POLE: variants seen among roughly 807,000 people sequenced by gnomAD.
POLE encodes the protein DNA polymerase epsilon catalytic subunit A.
Under a neutral mutation model 279.2 loss-of-function variants are expected in POLE, and 188 were observed. The observed-to-expected ratio is 0.67, with a 90% CI of 0.60 to 0.76. POLE has a LOEUF of 0.76. Among genes scored for constraint, POLE ranks in the 30% least tolerant of loss-of-function variants. The pLI is 0.00. For synonymous variants in POLE, 1,214 were observed against 1,172.5 expected, an observed-to-expected ratio of 1.04 and a Z score of -0.72; for missense variants, 2,703 against 3,016.7, an observed-to-expected ratio of 0.90 and a Z score of 2.44.
chr12:132,666,219 C>T (rs1483993814), intron 20 of POLE, among the ~76,000 whole-genome samples: 4 of 152,200 alleles, frequency 2.6e-5, no homozygotes, highest in Non-Finnish European at 5.9e-5. Context: ...GTGACAAATC[C>T]ACACAATGAA....
intron 32 of POLE, among the ~76,000 whole-genome samples, chr12:132,644,355 G>T (rs1231230205): frequency 1.4e-5 from 2 of 143,430 alleles, no homozygotes; most frequent in African/African-American, 2.6e-5. Flanking sequence ...TTGTAGAAAG[G>T]AGGTCTCACT....
At chr12:132,656,186 C>A (rs1203807341) in intron 29 of POLE, among the ~76,000 whole-genome samples, 2 of 151,978 alleles carry the variant, frequency 1.3e-5, no homozygotes, top group Non-Finnish European at 2.9e-5. Context: ...TGCTTAAACC[C>A]AGGAGGCAGA....
chr12:132,659,197 G>C, intron 26 of POLE, 98 bp downstream of exon 26: 1 of 1,279,116 alleles, frequency 7.8e-7, no homozygotes, highest in Non-Finnish European at 1.1e-6. Flanking sequence ...TCACCTCTCT[G>C]TGATGAGGGG....
rs1220762553 is a variant in POLE at position 132,625,656 on chromosome 12, G to A, written c.6646C>T (p.Leu2216=). The change falls in exon 47 of 49, where the codon CTG becomes TTG. Residue 2216 remains leucine (L), a synonymous_variant. Transcript: ENST00000320574. ...VLQKKLMAFT[L]QDLVCLKCRG... The stretch of plus-strand genomic sequence containing the variant: ...CATGCACGACTCACCAGGTCCTGCA[G>A]GGTGAAGGCCATCAGCTTCTTCTGT... 2.5e-6 allele frequency: 4 copies of A among 1,613,536 alleles called. No individual in the cohort carries two copies. In the African/African-American group the frequency reaches 5.3e-5, roughly 22 times the overall value.
In POLE at chr12:132,658,398, G is replaced by A. The variant is rs5744877; in HGVS notation, c.3276-428C>T. ...CGCATGCGTGCGTAAACATGTCTAC[G>A]TTTCTGAGTAACCACGCGCATGCGT... On this transcript the variant is annotated intron_variant, in intron 26 of 48. Coordinates refer to ENST00000320574, the MANE Select transcript of POLE (RefSeq NM_006231.4). 71 of 171,730 alleles carry A rather than the reference G, an allele frequency of 4.1e-4. No homozygotes were observed. In the South Asian group the frequency reaches 8.9e-3, roughly 21 times the overall value. 10.6% of individuals were successfully genotyped at this position (171,730 alleles called of 1,614,324 possible). A position where few individuals can be genotyped will look rare whatever the true frequency, so the allele number is the denominator to read the frequency against.
intron 21 of POLE, among the ~76,000 whole-genome samples, chr12:132,665,058 C>T (rs1163063295): frequency 2.0e-5 from 3 of 152,138 alleles, no homozygotes; most frequent in Non-Finnish European, 2.9e-5. Context: ...GTCTCCAGCC[C>T]ATGATGCAGA....
chr12:132,643,580 A>G lies in POLE; in HGVS notation c.4291-20T>C, dbSNP rs2042206303. 7.4e-6 allele frequency: 12 copies of G among 1,613,736 alleles called. No homozygotes were observed. Among genetic ancestry groups the G allele is most frequent in the Non-Finnish European group, 1.0e-5 (12 of 1,179,904 alleles). Reference sequence around the variant, plus strand: ...CGGAACCTGGAAGAATCGGGCAGACAGGCCGGCAAGGGCTGGATGGTGGGG... The same window carrying G: ...CGGAACCTGGAAGAATCGGGCAGACGGGCCGGCAAGGGCTGGATGGTGGGG... On this transcript the variant is annotated intron_variant, in intron 33 of 48. Coordinates refer to ENST00000320574, the MANE Select transcript of POLE (RefSeq NM_006231.4).
Position 132,675,434 on chromosome 12 carries a change from T to A in POLE, c.1190A>T (p.Tyr397Phe). ...CATGTGGATGCACTGGGGCGCCTTG[T>A]ACTCCCCCTGGCTGTCCTTCTGGAA... ...IGFQKDSQGE[Y>F]KAPQCIHMDC... The change falls in exon 12 of 49, where the codon TAC becomes TTC. Residue 397 changes from tyrosine to phenylalanine, a missense_variant. By Grantham distance (22) the Tyr-to-Phe change is conservative. Around this residue, in one of 5 missense-constraint regions of POLE, gnomAD observed 1,011 missense variants for 1,111.7 expected, o/e 0.91. Coordinates refer to ENST00000320574, the MANE Select transcript of POLE (RefSeq NM_006231.4). This position sits in a 1 kb window ranked among gnomAD's most constrained non-coding sequence, Gnocchi z 4.3. 6.2e-7 allele frequency: 1 copy of A among 1,614,168 alleles called. No individual in the cohort carries two copies. The highest frequency in any genetic ancestry group is 8.5e-7 in the Non-Finnish European group (1 of 1,180,012).
At chr12:132,678,061 CCA>C (rs2043096106) in intron 6 of POLE, among the ~76,000 whole-genome samples, 1 of 152,114 alleles carries the variant, frequency 6.6e-6, no homozygotes, top group Middle Eastern at 3.2e-3. Flanking sequence ...GTCTGTAACC[CCA>C]GATACCTGGG....
chr12:132,676,278 C>A, intron 9 of POLE, 74 bp from the exon 10 acceptor site: 1 of 969,906 alleles, frequency 1.0e-6, no homozygotes, highest in Non-Finnish European at 1.6e-6. Flanking sequence ...ACCCTGCCCA[C>A]ACACTCTGCC....
intron 13 of POLE, 91 bp downstream of exon 13, chr12:132,673,484 C>T (rs2135998149): frequency 1.9e-6 from 3 of 1,551,940 alleles, no homozygotes; most frequent in Non-Finnish European, 2.6e-6. Context: ...GCAGGGGGAG[C>T]CGGGATGTGG....
In POLE at chr12:132,672,892, T is replaced by C. The variant is rs1028599655; in HGVS notation, c.1474-53A>G. 330 of 1,514,734 alleles carry C rather than the reference T, an allele frequency of 2.2e-4. 2 individuals carry two copies. Among genetic ancestry groups the C allele is most frequent in the Non-Finnish European group, 2.6e-5 (29 of 1,101,420 alleles). The allele number at this position is 1,514,734 out of a possible 1,614,324, so 93.8% of individuals were successfully genotyped here. On this transcript the variant is annotated intron_variant, in intron 14 of 48. Transcript: ENST00000320574. Reference sequence around the variant, plus strand: ...AAAAGCAACACCAAAGGCCCTGACTTGCAGGCAAAGTCCAGGAACCTAAGC... The same window carrying C: ...AAAAGCAACACCAAAGGCCCTGACTCGCAGGCAAAGTCCAGGAACCTAAGC...
Position 132,641,823 on chromosome 12 carries a change from C to A in POLE, c.5202G>T (p.Leu1734=). ...TVCVELDLQN[L]AVNTILQSHH... ...GAGACTGGAGAATGGTGTTGACGGCCAGGTTCTGAAGGTCCAGCTCCACAC... is the reference window on the plus strand; with the variant it reads ...GAGACTGGAGAATGGTGTTGACGGCAAGGTTCTGAAGGTCCAGCTCCACAC... Residue 1734 remains leucine, a synonymous_variant, in exon 39 of 49, where the codon CTG becomes CTT. Transcript: ENST00000320574. 6.2e-7 allele frequency: 1 copy of A among 1,601,704 alleles called. No homozygotes were observed.
rs199746481 is a variant in POLE at position 132,675,486 on chromosome 12, C to T, written c.1138G>A (p.Gly380Ser). The T allele has an allele frequency of 2.0e-5, 32 of 1,613,988 alleles. No homozygotes were observed. Among genetic ancestry groups the T allele is most frequent in the Admixed American group, 6.7e-5 (4 of 60,000 alleles). ...PFVEARAAVH[G>S]LSMQQEIGFQ... ...CCTATCTCCTGCTGCATGCTCAGAC[C>T]GTGGACTGCTGCCCGGGCCTCCACA... Residue 380 changes from glycine (G) to serine (S), a missense_variant, in exon 12 of 49, where the codon GGT becomes AGT. By Grantham distance (56) the Gly-to-Ser change is moderately conservative (BLOSUM62 0). This residue lies in a region of POLE where 1,011 missense variants were observed against 1,111.7 expected (regional missense o/e 0.91). Coordinates refer to ENST00000320574, the MANE Select transcript of POLE (RefSeq NM_006231.4). This position sits in a 1 kb window ranked among gnomAD's most constrained non-coding sequence, Gnocchi z 4.3.
At chr12:132,653,988 T>A (rs2042478689) in intron 29 of POLE, among the ~76,000 whole-genome samples, 2 of 152,218 alleles carry the variant, frequency 1.3e-5, no homozygotes, top group Admixed American at 6.5e-5. Context: ...CCTGGCAAAT[T>A]CTAAAATTAA....
chr12:132,650,669 A>G (rs1565947664), intron 29 of POLE: 2 of 152,204 alleles, frequency 1.3e-5, no homozygotes, highest in Admixed American at 1.3e-4. Flanking sequence ...AATACCACCA[A>G]TAAGTAAATC....
rs1324601801 is a variant in POLE at position 132,641,657 on chromosome 12, T to C, written c.5368A>G (p.Asn1790Asp). 2 of 1,613,940 alleles carry C rather than the reference T, an allele frequency of 1.2e-6. No individual in the cohort carries two copies. The highest frequency in any genetic ancestry group is 2.2e-5 in the South Asian group (2 of 91,080). The change falls in exon 39 of 49, where the codon AAC (asparagine) becomes GAC (aspartate). Residue 1790 changes from asparagine (N) to aspartate (D), a missense_variant. By Grantham distance (23) the Asn-to-Asp change is conservative. Transcript: ENST00000320574. ...ASYDETALCSNTFRILKSMVV... is the reference protein window; with the variant it reads ...ASYDETALCSDTFRILKSMVV... ...CAGAGAGGGTGGCACCTGAAGGTGT[T>C]AGAGCACAGGGCTGTCTCATCGTAG...
chr12:132,632,490 TGA>T lies in POLE; in HGVS notation c.6153_6154del (p.Gln2052GlyfsTer6). On this transcript the variant is annotated frameshift_variant, in exon 45 of 49. Transcript: ENST00000320574. LOFTEE classifies it high-confidence loss of function. ...AGTGAGCTCATTTGCGACATAATCC[TGA>T]GAGAAGGTGATCATTCCTGGAAGTA... is the stretch of plus-strand genomic sequence containing the variant. The T allele has an allele frequency of 1.2e-6, 2 of 1,614,058 alleles. No individual in the cohort carries two copies. The highest frequency in any genetic ancestry group is 1.7e-6 in the Non-Finnish European group (2 of 1,179,930).
rs764992222 is a variant in POLE at position 132,649,480 on chromosome 12, C to G, written c.3831G>C (p.Lys1277Asn). ...GCTGCCGGGCCTGCAGCTGCCACTT[C>G]TTCTTGTGGAACCGGAGCCAGACAA... Reference protein sequence around the residue: ...EWLVWLRFHKKKWQLQARQRL... With the variant: ...EWLVWLRFHKNKWQLQARQRL... The change falls in exon 31 of 49, where the codon AAG (lysine) becomes AAC (asparagine). Residue 1277 changes from lysine (K) to asparagine (N), a missense_variant. By Grantham distance (94) the Lys-to-Asn change is moderately conservative (BLOSUM62 0). Around this residue, in one of 5 missense-constraint regions of POLE, gnomAD observed 1,551 missense variants for 1,686.1 expected, o/e 0.92. Transcript: ENST00000320574. 2 of 1,612,550 alleles carry G rather than the reference C, an allele frequency of 1.2e-6. No homozygotes were observed. Among genetic ancestry groups the G allele is most frequent in the Non-Finnish European group, 1.7e-6 (2 of 1,180,018 alleles).
Sources: allele counts gnomAD v4.1 joint callset (sites outside exome capture counted in the v4.1 genomes callset), GRCh38; gene constraint gnomAD v4.1.1; regional missense constraint gnomAD v4.1.1; non-coding constraint Gnocchi (gnomAD v3.1); transcripts MANE v1.5; gene names NCBI Gene and HGNC (gene_info 2026-07-23, HGNC 2026-07-21).